Variants in AMPH observed in about 807,000 individuals in gnomAD.
The protein encoded by AMPH is amphiphysin.
A neutral mutation model predicts 99.1 loss-of-function variants in AMPH; 49 were observed. The observed-to-expected ratio is 0.49, with a 90% CI of 0.39 to 0.63. The LOEUF is 0.63. Among genes scored for constraint, AMPH ranks in the 20% least tolerant of loss-of-function variants. The pLI, the probability that AMPH is intolerant of heterozygous loss-of-function variation, is 0.00. For synonymous variants in AMPH, 314 were observed against 317.3 expected (o/e 0.99, Z 0.11); for missense variants, 759 against 863.4 (o/e 0.88, Z 1.52).
intron 11 of AMPH, among the ~76,000 whole-genome samples, chr7:38,449,256 A>G (rs1044198928): frequency 2.0e-5 from 3 of 152,188 alleles, no homozygotes; most frequent in African/African-American, 7.2e-5. Context: ...TTGTTCATTT[A>G]CTGAATGCCC....
intron 4 of AMPH, among the ~76,000 whole-genome samples, chr7:38,491,620 T>C (rs1788720800): frequency 6.6e-6 from 1 of 152,214 alleles, no homozygotes; most frequent in Non-Finnish European, 1.5e-5. Context: ...GAGTATCAAT[T>C]ATGTTAAACG....
chr7:38,519,164 A>G (rs1363616317), intron 2 of AMPH, among the ~76,000 whole-genome samples: 1 of 152,210 alleles, frequency 6.6e-6, no homozygotes, highest in African/African-American at 2.4e-5. Context: ...ACATCCTTGG[A>G]CTTCCCAGCC....
intron 1 of AMPH, among the ~76,000 whole-genome samples, chr7:38,567,232 C>CT (rs1033832199): frequency 3.9e-5 from 6 of 151,924 alleles, no homozygotes; most frequent in African/African-American, 1.5e-4. Flanking sequence ...AGTTCATGTC[C>CT]TTTGCAGGGA....
At chr7:38,441,445 A>T (rs1435501586) in intron 11 of AMPH, among the ~76,000 whole-genome samples, 1 of 152,102 alleles carries the variant, frequency 6.6e-6, no homozygotes, top group Non-Finnish European at 1.5e-5. Context: ...GTGCACATGG[A>T]AATGTAACAT....
intron 1 of AMPH, among the ~76,000 whole-genome samples, chr7:38,543,090 T>A: frequency 9.9e-6 from 1 of 100,764 alleles, no homozygotes. Flanking sequence ...CAAGACCCTG[T>A]CCCACAAAAA....
intron 11 of AMPH, among the ~76,000 whole-genome samples, chr7:38,459,961 T>G (rs903254819): frequency 4.6e-5 from 7 of 151,640 alleles, no homozygotes; most frequent in African/African-American, 1.7e-4. Context: ...GGAATAATAT[T>G]CAGAATGTAC....
rs777142223 is a variant in AMPH, at chr7:38,631,265, C to G, written c.69+18G>C. Reference sequence around the variant, plus strand: ...CGCCTGGCGTCCCCGGCCCCAGCCCCGGCCGCCCGCCGCTGACCTTTTCCT... The same window carrying G: ...CGCCTGGCGTCCCCGGCCCCAGCCCGGGCCGCCCGCCGCTGACCTTTTCCT... On this transcript the variant is annotated intron_variant, in intron 1 of 20. Coordinates refer to ENST00000356264, the MANE Select transcript of AMPH (RefSeq NM_001635.4). 6 of 1,514,090 alleles carry G rather than the reference C, an allele frequency of 4.0e-6. No individual in the cohort carries two copies. Among genetic ancestry groups the G allele is most frequent in the South Asian group, 3.7e-5 (3 of 80,852 alleles). 93.8% of individuals were successfully genotyped at this position (1,514,090 alleles called of 1,614,324 possible).
chr7:38,568,552 T>C (rs1373109246), intron 1 of AMPH, among the ~76,000 whole-genome samples: 1 of 152,234 alleles, frequency 6.6e-6, no homozygotes, highest in Non-Finnish European at 1.5e-5. Context: ...AGCAAATAAG[T>C]GTTATCACAC....
chr7:38,463,814 C>T (rs1031990369), intron 9 of AMPH, among the ~76,000 whole-genome samples: 1 of 152,212 alleles, frequency 6.6e-6, no homozygotes, highest in African/African-American at 2.4e-5. Flanking sequence ...CGCTCGGGAA[C>T]AGCCCAAATG....
At chr7:38,395,699 GA>G (rs1457074053) in intron 17 of AMPH, among the ~76,000 whole-genome samples, 3 of 152,070 alleles carry the variant, frequency 2.0e-5, no homozygotes, top group Admixed American at 6.5e-5. Flanking sequence ...TTTCTTTGTT[GA>G]ATACATTCTA....
At chr7:38,462,189 C>T (rs1350299875) in intron 10 of AMPH, among the ~76,000 whole-genome samples, 1 of 152,174 alleles carries the variant, frequency 6.6e-6, no homozygotes, top group Non-Finnish European at 1.5e-5. Flanking sequence ...ATAACTTTGT[C>T]TAACTGTAGG....
chr7:38,444,236 A>G (rs1562759343), intron 11 of AMPH, among the ~76,000 whole-genome samples: 1 of 152,200 alleles, frequency 6.6e-6, no homozygotes, highest in Non-Finnish European at 1.5e-5. Flanking sequence ...CTCACATATC[A>G]TTGATCTATA....
chr7:38,442,471 A>C (rs552943534), intron 11 of AMPH, among the ~76,000 whole-genome samples: 1 of 152,312 alleles, frequency 6.6e-6, no homozygotes, highest in African/African-American at 2.4e-5. Flanking sequence ...TTCAAGCCAC[A>C]TAAAGTATGG....
chr7:38,444,105 T>C (rs57288273), intron 11 of AMPH, among the ~76,000 whole-genome samples: 1 of 152,130 alleles, frequency 6.6e-6, no homozygotes, highest in Non-Finnish European at 1.5e-5. Flanking sequence ...AAAATACTTA[T>C]GGATAAATCC....
At chr7:38,438,103 T>C (rs1260107839) in intron 11 of AMPH, among the ~76,000 whole-genome samples, 1 of 152,198 alleles carries the variant, frequency 6.6e-6, no homozygotes, top group African/African-American at 2.4e-5. Flanking sequence ...TAGGTAAAAA[T>C]TATATTTTTA....
At chr7:38,577,128 G>T (rs965783888) in intron 1 of AMPH, among the ~76,000 whole-genome samples, 3 of 152,172 alleles carry the variant, frequency 2.0e-5, no homozygotes, top group Non-Finnish European at 4.4e-5. Context: ...AGCAGGCATA[G>T]GCAGAGGATA....
chr7:38,461,533 T>C (rs768017766), intron 10 of AMPH, 122 bp from the exon 11 acceptor site: 241 of 1,158,190 alleles, frequency 2.1e-4, no homozygotes, highest in Non-Finnish European at 2.5e-4. Context: ...TATCTGCATA[T>C]AGCAGCAAGC....
At position 38,394,151 on chromosome 7, in the gene AMPH, G is replaced by T. The variant is rs371720416; in HGVS notation, c.1462C>A (p.Pro488Thr). The T allele has an allele frequency of 1.9e-6, 3 of 1,614,014 alleles. No homozygotes were observed. In the African/African-American group the frequency reaches 4.0e-5, roughly 22 times the overall value. The change falls in exon 18 of 21, where the codon CCA becomes ACA. Residue 488 changes from proline to threonine, a missense_variant. By Grantham distance (38) the Pro-to-Thr change is conservative. Transcript: ENST00000356264. ...TTCTCCGCCTCTGCTTCCTCTCCTG[G>T]GGCCCCCTCAGCTGCTGACACCAAG... Reference protein sequence around the residue: ...GTLVSAAEGAPGEEAEAEKAT... With the variant: ...GTLVSAAEGATGEEAEAEKAT...
At chr7:38,534,367 G>A (rs928902990) in intron 2 of AMPH, among the ~76,000 whole-genome samples, 17 of 152,100 alleles carry the variant, frequency 1.1e-4, no homozygotes, top group African/African-American at 3.9e-4. Context: ...CTATAGATCC[G>A]TCATCTGTAT....
Sources: gnomAD v4.1 joint callset for allele counts (sites outside exome capture counted in the v4.1 genomes callset) on GRCh38, gnomAD v4.1.1 for gene constraint, MANE v1.5 for transcripts, NCBI Gene and HGNC (gene_info 2026-07-23, HGNC 2026-07-21) for gene names.